SLIT2: variants seen among roughly 807,000 people sequenced by gnomAD.
The protein encoded by SLIT2 is slit guidance ligand 2.
In SLIT2, 41 loss-of-function variants were observed where a neutral mutation model predicts 185.7. The ratio of observed to expected loss-of-function variants is 0.22; its 90% CI spans 0.17 to 0.29. The LOEUF (loss-of-function observed/expected upper bound fraction) is 0.29, where lower values mean the gene tolerates loss of function less well. Among genes scored for constraint, SLIT2 ranks in the 10% least tolerant of loss-of-function variants. The pLI is 1.00. For synonymous variants in SLIT2, 693 were observed against 680.2 expected (o/e 1.02, Z -0.29); for missense variants, 1,571 against 1,909.0 (o/e 0.82, Z 3.30).
Position 20,470,137 on chromosome 4 carries a change from G to A in SLIT2, c.467+2314G>A, listed in dbSNP as rs973029251. On this transcript the variant is annotated intron_variant, in intron 5 of 36. Transcript: ENST00000504154. ...AAAGAAGATGTATGAAAGACCTTTC[G>A]AAACAGTAAAATGCTATGAAAATAC... Among the ~76,000 whole-genome samples the A allele has an allele frequency of 5.9e-5, 9 of 152,054 alleles. 1 individual carries two copies. In the South Asian group the frequency reaches 6.2e-4, roughly 11 times the overall value.
intron 4 of SLIT2, among the ~76,000 whole-genome samples, chr4:20,356,043 A>G (rs1050458924): frequency 6.6e-6 from 1 of 152,196 alleles, no homozygotes; most frequent in African/African-American, 2.4e-5. Flanking sequence ...AGGGAACAAG[A>G]TAAATGATTA....
chr4:20,461,487 A>G (rs550152702), intron 4 of SLIT2, among the ~76,000 whole-genome samples: 59 of 152,316 alleles, frequency 3.9e-4, no homozygotes, highest in Non-Finnish European at 7.3e-4. Context: ...CTTTGTAATG[A>G]GGCAAGATAT....
rs1717524961 is a variant in SLIT2 at position 20,489,020 on chromosome 4, G to A, written c.775+38G>A. ...GAAGAGTGATGTTATTGTGTTTATT[G>A]TATCCTGTTATGTAACAGAATGTGA... is the stretch of plus-strand genomic sequence containing the variant. On this transcript the variant is annotated intron_variant, in intron 8 of 36. Transcript: ENST00000504154. 4.5e-6 allele frequency: 7 copies of A among 1,555,266 alleles called. No individual in the cohort carries two copies. The South Asian group carries it at 8.0e-5, about 18-fold the overall frequency.
chr4:20,552,102 A>G (rs1318425838), intron 25 of SLIT2, among the ~76,000 whole-genome samples: 3 of 152,098 alleles, frequency 2.0e-5, no homozygotes, highest in Non-Finnish European at 4.4e-5. Context: ...TACAAACTCC[A>G]TGGCTGCCAC....
At chr4:20,309,193 TAA>T (rs1360600109) in intron 4 of SLIT2, among the ~76,000 whole-genome samples, 1 of 152,160 alleles carries the variant, frequency 6.6e-6, no homozygotes, top group African/African-American at 2.4e-5. Context: ...ATTCTTAAAT[TAA>T]AAGAGTAATA....
intron 4 of SLIT2, among the ~76,000 whole-genome samples, chr4:20,364,583 A>AT (rs951128754): frequency 3.8e-4 from 58 of 151,918 alleles, no homozygotes; most frequent in South Asian, 1.5e-3. Flanking sequence ...ATTATACTTA[A>AT]TTTTTTTTCA....
intron 4 of SLIT2, among the ~76,000 whole-genome samples, chr4:20,376,062 GAAAT>G (rs1723990454): frequency 8.2e-6 from 1 of 121,232 alleles, no homozygotes; most frequent in South Asian, 2.7e-4. Context: ...ATCTATAAAA[GAAAT>G]AAAAAATTTT....
chr4:20,292,817 C>A (rs973213067), intron 4 of SLIT2, among the ~76,000 whole-genome samples: 1 of 151,954 alleles, frequency 6.6e-6, no homozygotes, highest in African/African-American at 2.4e-5. Context: ...CTTGAAGCTG[C>A]CGTATTTATT....
At chr4:20,540,292 A>G (rs78381586) in intron 19 of SLIT2, among the ~76,000 whole-genome samples, 21 of 144,718 alleles carry the variant, frequency 1.5e-4, no homozygotes, top group Non-Finnish European at 3.2e-4. Context: ...CATCTCAAGG[A>G]AAAAAAAAAA....
chr4:20,604,450 T>C (rs1728635331), intron 33 of SLIT2, among the ~76,000 whole-genome samples: 1 of 151,292 alleles, frequency 6.6e-6, no homozygotes, highest in Non-Finnish European at 1.5e-5. Context: ...CCCGGGTTCA[T>C]GCCATCCTCC....
At chr4:20,479,775 T>C (rs577929801) in intron 5 of SLIT2, among the ~76,000 whole-genome samples, 1 of 152,300 alleles carries the variant, frequency 6.6e-6, no homozygotes, top group East Asian at 1.9e-4. Flanking sequence ...AGCATTCTTT[T>C]TTTGTACTAT....
chr4:20,301,056 A>G (rs1045096943), intron 4 of SLIT2, among the ~76,000 whole-genome samples: 1 of 151,964 alleles, frequency 6.6e-6, no homozygotes, highest in African/African-American at 2.4e-5. Context: ...TGAATGAGCA[A>G]CTCTTTAAAG....
chr4:20,573,408 A>G lies in SLIT2; in HGVS notation c.3088+4404A>G, dbSNP rs1048695901. On this transcript the variant is annotated intron_variant, in intron 29 of 36. Coordinates refer to ENST00000504154, the MANE Select transcript of SLIT2 (RefSeq NM_004787.4). Reference sequence around the variant, plus strand: ...ACAATATGCCAAATCAGTCATTCAGATGTTTAATCTATGCATCGCTATGAC... The same window carrying G: ...ACAATATGCCAAATCAGTCATTCAGGTGTTTAATCTATGCATCGCTATGAC... The G allele has an allele frequency of 1.1e-4, 74 of 661,316 alleles. No homozygotes were observed. The Admixed American group carries it at 1.6e-3, about 14-fold the overall frequency. 41.0% of individuals were successfully genotyped at this position (661,316 alleles called of 1,614,324 possible).
intron 26 of SLIT2, among the ~76,000 whole-genome samples, chr4:20,563,987 C>G (rs1724893151): frequency 6.6e-6 from 1 of 151,914 alleles, no homozygotes; most frequent in African/African-American, 2.4e-5. Context: ...AAGATTGCTA[C>G]ATATTATGGA....
At chr4:20,463,836 A>G (rs1176550381) in intron 4 of SLIT2, among the ~76,000 whole-genome samples, 3 of 150,448 alleles carry the variant, frequency 2.0e-5, no homozygotes, top group Non-Finnish European at 3.0e-5. Context: ...AGATGGCGTC[A>G]CTGCACTCCA....
At chr4:20,557,852 G>C (rs550147947) in intron 26 of SLIT2, among the ~76,000 whole-genome samples, 1 of 152,158 alleles carries the variant, frequency 6.6e-6, no homozygotes, top group South Asian at 2.1e-4. Flanking sequence ...ATTAACAGGA[G>C]TTTGGAAGAA....
chr4:20,491,936 C>T (rs1717821178), intron 9 of SLIT2, 37 bp downstream of exon 9: 1 of 1,596,654 alleles, frequency 6.3e-7, no homozygotes, highest in African/African-American at 1.3e-5. Flanking sequence ...TCCCCACCTT[C>T]CCGGTGAACC....
chr4:20,261,654 A>G (rs1396599329), intron 3 of SLIT2, among the ~76,000 whole-genome samples: 1 of 151,892 alleles, frequency 6.6e-6, no homozygotes, highest in Non-Finnish European at 1.5e-5. Flanking sequence ...ATGCAAAAGT[A>G]TGAGAAAGTT....
intron 29 of SLIT2, among the ~76,000 whole-genome samples, chr4:20,573,702 A>G (rs1725824757): frequency 6.6e-6 from 1 of 152,126 alleles, no homozygotes; most frequent in South Asian, 2.1e-4. Context: ...TTAAGCAAAT[A>G]TCTTTAGTAA....
Sources: gnomAD v4.1 joint callset for allele counts (sites outside exome capture counted in the v4.1 genomes callset) on GRCh38, gnomAD v4.1.1 for gene constraint, MANE v1.5 for transcripts, NCBI Gene and HGNC (gene_info 2026-07-23, HGNC 2026-07-21) for gene names.